The following LDB2 variants were observed in gnomAD, a reference collection of about 807,000 sequenced individuals.
LDB2 encodes the protein LIM domain-binding protein 2.
In LDB2, 12 loss-of-function variants were observed where a neutral mutation model predicts 44.3. The ratio of observed to expected loss-of-function variants is 0.27; its 90% confidence interval spans 0.17 to 0.44. LDB2 has a LOEUF of 0.44. Ranked by LOEUF, LDB2 falls within the 20% of genes least tolerant of loss-of-function variation. LDB2 has a pLI of 1.00. For synonymous variants in LDB2, 164 were observed against 174.8 expected (o/e 0.94, Z 0.49); for missense variants, 344 against 473.5 (o/e 0.73, Z 2.54).
At position 16,681,798 on chromosome 4, in the gene LDB2, T is replaced by C. The variant is rs539278612; in HGVS notation, c.235+77360A>G. On this transcript the variant is annotated intron_variant, in intron 2 of 7. Transcript: ENST00000304523. ...GTGTTAGCCAGGATGGTCTGGATCT[T>C]CTGACCTCGTGATCTGCCCGCCTTG... 6.4e-3 allele frequency among the ~76,000 whole-genome samples: 975 copies of C among 151,908 alleles called. 4 individuals are homozygous for C. The highest frequency in any genetic ancestry group is 0.01 in the Middle Eastern group (3 of 294).
intron 5 of LDB2, among the ~76,000 whole-genome samples, chr4:16,519,480 T>A (rs1309555283): frequency 6.6e-6 from 1 of 151,982 alleles, no homozygotes; most frequent in East Asian, 2.0e-4. Context: ...TATCAGTGGC[T>A]TAAATGACTT....
At position 16,692,609 on chromosome 4, in the gene LDB2, A is replaced by G. The variant is rs149316197; in HGVS notation, c.235+66549T>C. Among the ~76,000 whole-genome samples the G allele has an allele frequency of 1.4e-3, 206 of 152,222 alleles. 1 individual carries two copies. In the East Asian group the frequency reaches 0.024, roughly 18 times the overall value. On this transcript the variant is annotated intron_variant, in intron 2 of 7. Transcript: ENST00000304523. ...GGTAAAGCTCTGCACTGCAGGGGGAAGAAATAAAAAGAACCTCTTCAAGTT... is the reference window on the plus strand; with the variant it reads ...GGTAAAGCTCTGCACTGCAGGGGGAGGAAATAAAAAGAACCTCTTCAAGTT...
chr4:16,684,825 T>G (rs1748821002), intron 2 of LDB2, among the ~76,000 whole-genome samples: 1 of 152,208 alleles, frequency 6.6e-6, no homozygotes. Flanking sequence ...CTGGAAAACT[T>G]TCTCTGTGAG....
chr4:16,666,464 C>T (rs906058660), intron 2 of LDB2, among the ~76,000 whole-genome samples: 1 of 152,232 alleles, frequency 6.6e-6, no homozygotes, highest in African/African-American at 2.4e-5. Flanking sequence ...CATTTTCTGC[C>T]TCTGGAAGGA....
intron 2 of LDB2, among the ~76,000 whole-genome samples, chr4:16,758,550 G>A (rs1035768368): frequency 6.6e-6 from 1 of 152,192 alleles, no homozygotes; most frequent in Admixed American, 6.5e-5. Context: ...AATCAGGACA[G>A]ATCAGCTGTT....
chr4:16,723,491 C>T (rs1174456063), intron 2 of LDB2, among the ~76,000 whole-genome samples: 1 of 152,122 alleles, frequency 6.6e-6, no homozygotes, highest in Non-Finnish European at 1.5e-5. Context: ...AAAGGTCTCA[C>T]CCTGTCAACA....
chr4:16,888,172 T>C (rs1358379992), intron 1 of LDB2, among the ~76,000 whole-genome samples: 1 of 152,194 alleles, frequency 6.6e-6, no homozygotes, highest in African/African-American at 2.4e-5. Flanking sequence ...GCATGCGTCC[T>C]TAGAAGAAAT....
At chr4:16,573,963 C>T (rs193034145) in intron 5 of LDB2, among the ~76,000 whole-genome samples, 12 of 152,280 alleles carry the variant, frequency 7.9e-5, no homozygotes, top group South Asian at 6.2e-4. Context: ...CAAAAAACCT[C>T]GGCCGGATTC....
At chr4:16,555,349 A>G (rs1316757658) in intron 5 of LDB2, among the ~76,000 whole-genome samples, 2 of 152,194 alleles carry the variant, frequency 1.3e-5, no homozygotes, top group Non-Finnish European at 1.5e-5. Flanking sequence ...ATTCCTTAGC[A>G]TGGCAGATGG....
chr4:16,885,457 C>T (rs1561538689), intron 1 of LDB2, among the ~76,000 whole-genome samples: 1 of 152,074 alleles, frequency 6.6e-6, no homozygotes, highest in Non-Finnish European at 1.5e-5. Context: ...CAAGATAGTG[C>T]CCAATCCCAA....
chr4:16,856,418 G>A (rs1789353921), intron 1 of LDB2, among the ~76,000 whole-genome samples: 1 of 152,072 alleles, frequency 6.6e-6, no homozygotes, highest in Non-Finnish European at 1.5e-5. Context: ...AATGTAAATC[G>A]GTAAAGTCAC....
chr4:16,892,669 G>A (rs967904866), intron 1 of LDB2, among the ~76,000 whole-genome samples: 16 of 152,190 alleles, frequency 1.1e-4, no homozygotes, highest in East Asian at 9.6e-4. Flanking sequence ...TTTACGTTTC[G>A]TTTGCTTGTT....
At chr4:16,883,238 G>C (rs979976645) in intron 1 of LDB2, among the ~76,000 whole-genome samples, 2 of 152,200 alleles carry the variant, frequency 1.3e-5, no homozygotes, top group Non-Finnish European at 2.9e-5. Context: ...CTTTGTGTTG[G>C]ATGTGACAGG....
At chr4:16,875,606 GA>G (rs1718130637) in intron 1 of LDB2, among the ~76,000 whole-genome samples, 1 of 152,188 alleles carries the variant, frequency 6.6e-6, no homozygotes, top group Non-Finnish European at 1.5e-5. Context: ...ACCAATAGAA[GA>G]GTCTCTATCT....
chr4:16,898,262 C>T, intron 1 of LDB2, 92 bp downstream of exon 1: 2 of 1,303,506 alleles, frequency 1.5e-6, no homozygotes, highest in Non-Finnish European at 2.2e-6. Context: ...AAGTGGGACA[C>T]TTCCCATAGA....
intron 1 of LDB2, among the ~76,000 whole-genome samples, chr4:16,780,288 T>A (rs1446544319): frequency 6.6e-6 from 1 of 152,158 alleles, no homozygotes; most frequent in African/African-American, 2.4e-5. Context: ...AGTGGTGTGA[T>A]CTCAGCTCAC....
chr4:16,670,757 A>G (rs1463298669), intron 2 of LDB2, among the ~76,000 whole-genome samples: 3 of 152,222 alleles, frequency 2.0e-5, no homozygotes, highest in Non-Finnish European at 2.9e-5. Context: ...TACTTGCCTG[A>G]AAAAGGTTTT....
intron 2 of LDB2, among the ~76,000 whole-genome samples, chr4:16,673,785 C>T (rs1268891342): frequency 6.6e-6 from 1 of 152,156 alleles, no homozygotes; most frequent in Non-Finnish European, 1.5e-5. Context: ...CCTGCCCCAA[C>T]AAAAAACTAT....
chr4:16,509,524 A>ATTTG (rs993783173), intron 6 of LDB2, among the ~76,000 whole-genome samples: 5 of 152,176 alleles, frequency 3.3e-5, no homozygotes, highest in African/African-American at 9.6e-5. Context: ...TTCTTTATTT[A>ATTTG]TTTGTTTGTT....
Sources: allele counts gnomAD v4.1 joint callset (sites outside exome capture counted in the v4.1 genomes callset), GRCh38; gene constraint gnomAD v4.1.1; transcripts MANE v1.5; gene names NCBI Gene and HGNC (gene_info 2026-07-23, HGNC 2026-07-21).